TBC1D5: variants seen among roughly 807,000 people sequenced by gnomAD.
TBC1D5 encodes the protein TBC1 domain family member 5.
Under a neutral mutation model 100.3 loss-of-function variants are expected in TBC1D5, and 75 were observed. The ratio of observed to expected loss-of-function variants is 0.75; its 90% CI spans 0.62 to 0.91. The LOEUF (loss-of-function observed/expected upper bound fraction) is 0.91, where lower values mean the gene tolerates loss of function less well. TBC1D5 is among the 40% of genes least tolerant of loss of function. TBC1D5 has a pLI of 0.00. For synonymous variants in TBC1D5, 323 were observed against 325.6 expected (o/e 0.99, Z 0.09); for missense variants, 910 against 942.4 (o/e 0.97, Z 0.45).
intron 1 of TBC1D5, among the ~76,000 whole-genome samples, chr3:17,649,687 T>A (rs894154937): frequency 1.3e-5 from 2 of 152,128 alleles, no homozygotes; most frequent in Non-Finnish European, 2.9e-5. Flanking sequence ...GCTTTTACAC[T>A]GTTGGTGGGA....
exon 22 of TBC1D5, chr3:17,159,587 G>A (rs543241162): frequency 6.6e-6 from 1 of 152,426 alleles, no homozygotes; most frequent in Admixed American, 6.5e-5. Context: ...GCAGGCAAAG[G>A]AGAGGAAAAG....
chr3:17,485,095 CTAA>C (rs1559992236), intron 3 of TBC1D5, among the ~76,000 whole-genome samples: 1 of 151,880 alleles, frequency 6.6e-6, no homozygotes, highest in Non-Finnish European at 1.5e-5. Context: ...ATACAACTGT[CTAA>C]TAATGAAAAA....
chr3:17,687,116 A>G (rs1030223740), intron 1 of TBC1D5, among the ~76,000 whole-genome samples: 1 of 152,152 alleles, frequency 6.6e-6, no homozygotes, highest in Non-Finnish European at 1.5e-5. Context: ...TTTTCTCTAA[A>G]GCTAAAACTG....
chr3:17,704,511 C>A (rs1223576548), intron 1 of TBC1D5, among the ~76,000 whole-genome samples: 1 of 112,082 alleles, frequency 8.9e-6, no homozygotes, highest in Non-Finnish European at 1.9e-5. Flanking sequence ...GGCAGAGGCG[C>A]CCCTCACCTC....
At chr3:17,282,915 T>A (rs950125340) in intron 15 of TBC1D5, among the ~76,000 whole-genome samples, 6 of 152,358 alleles carry the variant, frequency 3.9e-5, no homozygotes, top group African/African-American at 1.4e-4. Flanking sequence ...TAATTAGCGT[T>A]TGCAAATGTA....
chr3:17,257,920 CAAGTT>C (rs1456351220), intron 16 of TBC1D5, among the ~76,000 whole-genome samples: 1 of 152,138 alleles, frequency 6.6e-6, no homozygotes, highest in Non-Finnish European at 1.5e-5. Context: ...TCTGGTTTGA[CAAGTT>C]AACTCTTGAG....
chr3:17,177,144 G>C (rs1006276385), intron 19 of TBC1D5, among the ~76,000 whole-genome samples: 1 of 152,138 alleles, frequency 6.6e-6, no homozygotes, highest in Non-Finnish European at 1.5e-5. Flanking sequence ...ATTCAATTTG[G>C]GTTCCTCCTG....
chr3:17,327,406 T>C (rs2086281008), intron 13 of TBC1D5, among the ~76,000 whole-genome samples: 1 of 152,208 alleles, frequency 6.6e-6, no homozygotes, highest in Admixed American at 6.5e-5. Flanking sequence ...AAAATCTATG[T>C]CCTTAAAATG....
intron 1 of TBC1D5, among the ~76,000 whole-genome samples, chr3:17,719,687 CAAAATAT>C (rs2153962208): frequency 1.3e-5 from 2 of 152,164 alleles, no homozygotes; most frequent in African/African-American, 4.8e-5. Flanking sequence ...ATATCATTTT[CAAAATAT>C]AAAATTAGAG....
chr3:17,497,087 GACACAC>G (rs71049202), intron 3 of TBC1D5, among the ~76,000 whole-genome samples: 17,014 of 128,860 alleles, frequency 0.13, 1,195 homozygotes, highest in African/African-American at 0.2. Context: ...CTCTCTCTCT[GACACAC>G]ACACACACAC....
rs545833981 is a variant in TBC1D5 at position 17,189,413 on chromosome 3, C to T, written c.1753-4205G>A. Among the ~76,000 whole-genome samples the T allele has an allele frequency of 3.3e-5, 5 of 152,206 alleles. No individual in the cohort carries two copies. In the South Asian group the frequency reaches 1.0e-3, roughly 32 times the overall value. On this transcript the variant is annotated intron_variant, in intron 18 of 21. Transcript: ENST00000253692. Reference sequence around the variant, plus strand: ...TTGATAGAGGAGGATAAAGTTGGGCCACCTGTAGACTACAATGTGCAACAT... The same window carrying T: ...TTGATAGAGGAGGATAAAGTTGGGCTACCTGTAGACTACAATGTGCAACAT...
At chr3:17,202,001 G>A (rs1210667261) in intron 18 of TBC1D5, among the ~76,000 whole-genome samples, 4 of 152,152 alleles carry the variant, frequency 2.6e-5, no homozygotes, top group Non-Finnish European at 5.9e-5. Context: ...GCAGAGGTTG[G>A]AACAGTTTGG....
intron 21 of TBC1D5, among the ~76,000 whole-genome samples, chr3:17,164,058 G>A (rs1486058575): frequency 6.6e-6 from 1 of 152,178 alleles, no homozygotes; most frequent in Non-Finnish European, 1.5e-5. Flanking sequence ...ATGCTGAGAA[G>A]GGAGGGACAG....
At chr3:17,162,294 C>T (rs1273825295) in intron 21 of TBC1D5, among the ~76,000 whole-genome samples, 1 of 152,220 alleles carries the variant, frequency 6.6e-6, no homozygotes, top group Non-Finnish European at 1.5e-5. Flanking sequence ...CTTGGGCCTC[C>T]AGACTGGCAT....
At chr3:17,206,098 C>G (rs1014084895) in intron 18 of TBC1D5, among the ~76,000 whole-genome samples, 2 of 152,058 alleles carry the variant, frequency 1.3e-5, no homozygotes, top group Admixed American at 6.6e-5. Context: ...GCTCAATATC[C>G]GCCACTACTA....
rs11393069 is a variant in TBC1D5, at chr3:17,728,348, G to GT, written c.-101+10994dup. Among the ~76,000 whole-genome samples the GT allele has an allele frequency of 7.0e-3, 1,069 of 152,302 alleles. 12 individuals are homozygous for GT. Among genetic ancestry groups the GT allele is most frequent in the African/African-American group, 0.024 (984 of 41,554 alleles). ...GAAGATGGAACATTCACCAATGTTTGTAGGTATTTTCTACCTAGAAAACCA... is the reference window on the plus strand; with the variant it reads ...GAAGATGGAACATTCACCAATGTTTGTTAGGTATTTTCTACCTAGAAAACCA... On this transcript the variant is annotated intron_variant, in intron 1 of 21. Transcript: ENST00000253692.
At chr3:17,701,878 G>A (rs1337680678) in intron 1 of TBC1D5, among the ~76,000 whole-genome samples, 1 of 151,114 alleles carries the variant, frequency 6.6e-6, no homozygotes, top group Non-Finnish European at 1.5e-5. Context: ...CTAAGAATAA[G>A]GGCTAGATGT....
intron 13 of TBC1D5, among the ~76,000 whole-genome samples, chr3:17,313,835 G>A (rs2084338279): frequency 6.6e-6 from 1 of 152,132 alleles, no homozygotes; most frequent in Non-Finnish European, 1.5e-5. Flanking sequence ...TATTCAAAGG[G>A]ACATGGCCAA....
intron 2 of TBC1D5, among the ~76,000 whole-genome samples, chr3:17,555,648 C>A (rs1057240009): frequency 6.6e-6 from 1 of 152,162 alleles, no homozygotes; most frequent in Non-Finnish European, 1.5e-5. Flanking sequence ...CAAGAGATAA[C>A]CCTGAAGGGC....
Sources: allele counts gnomAD v4.1 joint callset (sites outside exome capture counted in the v4.1 genomes callset), GRCh38; gene constraint gnomAD v4.1.1; transcripts MANE v1.5; gene names NCBI Gene and HGNC (gene_info 2026-07-23, HGNC 2026-07-21).